The following RYR3 variants were observed in gnomAD, a reference collection of about 807,000 sequenced individuals.
RYR3 encodes the protein brain ryanodine receptor-calcium release channel.
A neutral mutation model predicts 584.3 loss-of-function variants in RYR3; 207 were observed. The ratio of observed to expected loss-of-function variants is 0.35; its 90% CI spans 0.32 to 0.40. RYR3 has a LOEUF of 0.40. RYR3 is among the 10% of genes least tolerant of loss of function. The probability of loss-of-function intolerance (pLI) is 1.00; values close to 1 mark genes in which losing one functional copy is unlikely to be tolerated. For synonymous variants in RYR3, 2,416 were observed against 2,248.5 expected (o/e 1.07, Z -2.11); for missense variants, 5,616 against 6,089.2 (o/e 0.92, Z 2.59).
chr15:33,699,018 A>C (rs919869366), intron 40 of RYR3, among the ~76,000 whole-genome samples: 6 of 152,222 alleles, frequency 3.9e-5, no homozygotes, highest in Non-Finnish European at 7.3e-5. Context: ...GTAAGATGGC[A>C]TCTTCATGCT....
chr15:33,811,013 G>T lies in RYR3; in HGVS notation c.10233G>T (p.Arg3411=), dbSNP rs1362857721. Residue 3411 remains arginine (R), a synonymous_variant, in exon 72 of 104, where the codon CGG becomes CGT. Coordinates refer to ENST00000634891, the MANE Select transcript of RYR3 (RefSeq NM_001036.6). ...DTDEEVREHL[R]NNLHLQEKSD... ...ATGAAGAGGTCAGAGAACATCTGCGGAACAACTTGCACTTGCAGGAAAAGG... is the reference window on the plus strand; with the variant it reads ...ATGAAGAGGTCAGAGAACATCTGCGTAACAACTTGCACTTGCAGGAAAAGG... The T allele has an allele frequency of 5.6e-6, 9 of 1,609,190 alleles. No individual in the cohort carries two copies. The highest frequency in any genetic ancestry group is 1.3e-5 in the African/African-American group (1 of 74,826).
intron 1 of RYR3, among the ~76,000 whole-genome samples, chr15:33,465,246 G>GATAT (rs35333422): frequency 1.3e-5 from 2 of 151,874 alleles, no homozygotes; most frequent in East Asian, 1.9e-4. Flanking sequence ...TTTCTTTGGA[G>GATAT]ATATATATAT....
intron 22 of RYR3, among the ~76,000 whole-genome samples, chr15:33,630,994 T>G (rs2061236131): frequency 6.6e-6 from 1 of 152,226 alleles, no homozygotes; most frequent in South Asian, 2.1e-4. Flanking sequence ...TGCCTATGGC[T>G]GGCTTTGCTC....
chr15:33,660,206 C>T lies in RYR3; in HGVS notation c.4405C>T (p.Pro1469Ser), dbSNP rs769909365. The T allele has an allele frequency of 3.2e-6, 5 of 1,551,510 alleles. No homozygotes were observed. In the South Asian group the frequency reaches 3.6e-5, roughly 11 times the overall value. ...FELGKLKNAM[P>S]LSAAIFRSEE... ...TTCCCACGTGCCCCAGAACGCAATG[C>T]CCCTGTCAGCGGCCATATTCAGGAG... The change falls in exon 34 of 104, where the codon CCC becomes TCC. Residue 1469 changes from proline to serine, a missense_variant. Pro to Ser is a moderately conservative substitution (Grantham distance 74). Around this residue, in one of 9 missense-constraint regions of RYR3, gnomAD observed 753 missense variants for 741.0 expected, o/e 1.02. Coordinates refer to ENST00000634891, the MANE Select transcript of RYR3 (RefSeq NM_001036.6).
At position 33,311,725 on chromosome 15, in the gene RYR3, G is replaced by C. The variant is rs1351150909; in HGVS notation, c.51+629G>C. Among the ~76,000 whole-genome samples the C allele has an allele frequency of 1.3e-5, 2 of 152,238 alleles. No homozygotes were observed. Among genetic ancestry groups the C allele is most frequent in the Non-Finnish European group, 2.9e-5 (2 of 68,038 alleles). On this transcript the variant is annotated intron_variant, in intron 1 of 103. Transcript: ENST00000634891. This position sits in a 1 kb window ranked among gnomAD's most constrained non-coding sequence, Gnocchi z 4.4. ...CCTGACTTGACTGACTGCCTGTCGT[G>C]TGTTCGAGAGCTGTGGCTTCTGCTC...
rs147047833 is a variant in RYR3 at position 33,421,563 on chromosome 15, T to C, written c.52-51856T>C. 7.4e-4 allele frequency among the ~76,000 whole-genome samples: 112 copies of C among 152,118 alleles called. 2 individuals are homozygous for C. The East Asian group carries it at 0.013, about 18-fold the overall frequency. ...CTGGTTCCCAAACAAAGGTAGATGG[T>C]GTGAAATAAGGAATGCTGGCAGAGG... On this transcript the variant is annotated intron_variant, in intron 1 of 103. Coordinates refer to ENST00000634891, the MANE Select transcript of RYR3 (RefSeq NM_001036.6).
chr15:33,774,699 T>C (rs1471093210), intron 64 of RYR3, among the ~76,000 whole-genome samples: 2 of 152,226 alleles, frequency 1.3e-5, no homozygotes, highest in Non-Finnish European at 2.9e-5. Context: ...TTTGTTTTTA[T>C]TATGATTTTA....
At chr15:33,593,460 C>T (rs1410037561) in intron 16 of RYR3, among the ~76,000 whole-genome samples, 1 of 152,048 alleles carries the variant, frequency 6.6e-6, no homozygotes, top group African/African-American at 2.4e-5. Context: ...AAACAATGAA[C>T]AAAAGAACAA....
At chr15:33,534,610 A>G (rs957185118) in intron 5 of RYR3, among the ~76,000 whole-genome samples, 4 of 152,220 alleles carry the variant, frequency 2.6e-5, no homozygotes, top group African/African-American at 9.7e-5. Context: ...CTGGAAACCA[A>G]AAATAAAGAA....
intron 29 of RYR3, among the ~76,000 whole-genome samples, 188 bp downstream of exon 29, chr15:33,646,714 A>G (rs2062123850): frequency 6.6e-6 from 1 of 152,254 alleles, no homozygotes. Flanking sequence ...GTGTTTGTGC[A>G]GTGCATAATT....
intron 102 of RYR3, among the ~76,000 whole-genome samples, chr15:33,863,203 C>T (rs550909216): frequency 7.9e-5 from 12 of 152,232 alleles, no homozygotes; most frequent in Admixed American, 5.9e-4. Flanking sequence ...GAGCCTCCCA[C>T]CTAAAATGGT....
intron 1 of RYR3, among the ~76,000 whole-genome samples, chr15:33,317,840 T>A (rs1968411826): frequency 6.6e-6 from 1 of 152,102 alleles, no homozygotes; most frequent in African/African-American, 2.4e-5. Context: ...TCCTTTGAGG[T>A]GGGACATAGC....
Position 33,748,141 on chromosome 15 carries a change from C to T in RYR3, c.8017C>T (p.Arg2673Ter). Residue 2673 changes from arginine to a stop codon, truncating the protein, a stop_gained, in exon 54 of 104, where the codon CGA (arginine) becomes TGA (stop). Transcript: ENST00000634891. LOFTEE classifies it high-confidence loss of function. ...KEKEIYRWPARESLKTMLAVG... is the reference protein window; with the variant it reads ...KEKEIYRWPA ...GAAGGAAATTTATCGCTGGCCTGCG[C>T]GAGAGTCCCTGAAAACCATGCTGGC... 2.5e-6 allele frequency: 4 copies of T among 1,613,812 alleles called. No homozygotes were observed. Among genetic ancestry groups the T allele is most frequent in the East Asian group, 2.2e-5 (1 of 44,878 alleles).
At chr15:33,439,739 G>T in intron 1 of RYR3, among the ~76,000 whole-genome samples, 1 of 152,008 alleles carries the variant, frequency 6.6e-6, no homozygotes, top group East Asian at 1.9e-4. Flanking sequence ...GATGCCATGG[G>T]GTTATTAAGA....
rs1239406214 is a variant in RYR3 at position 33,863,464 on chromosome 15, ACTT to A, written c.14466-672_14466-670del. 2.6e-5 allele frequency among the ~76,000 whole-genome samples: 4 copies of A among 152,162 alleles called. No individual in the cohort carries two copies. The East Asian group carries it at 7.7e-4, about 29-fold the overall frequency. On this transcript the variant is annotated intron_variant, in intron 102 of 103. Transcript: ENST00000634891. ...TAATTTCTACTTTCTCATATCACCA[ACTT>A]CACAATCCTTTTCCGGAAGGGCAAG...
chr15:33,596,268 A>G (rs1234441802), intron 16 of RYR3, among the ~76,000 whole-genome samples: 2 of 151,984 alleles, frequency 1.3e-5, no homozygotes, highest in African/African-American at 2.4e-5. Flanking sequence ...AAATACCCAA[A>G]TAGTGAAATA....
chr15:33,591,772 A>G (rs2059141592), intron 16 of RYR3, among the ~76,000 whole-genome samples: 1 of 152,200 alleles, frequency 6.6e-6, no homozygotes, highest in Admixed American at 6.6e-5. Context: ...AAATAGTAAT[A>G]TCATTGATTC....
intron 73 of RYR3, among the ~76,000 whole-genome samples, chr15:33,813,253 C>A (rs1196455794): frequency 6.6e-6 from 1 of 152,332 alleles, no homozygotes; most frequent in East Asian, 1.9e-4. Context: ...GTTAGTTAAG[C>A]TGCTATTAGG....
Position 33,341,975 on chromosome 15 carries a change from C to T in RYR3, c.51+30879C>T, listed in dbSNP as rs139674742. Among the ~76,000 whole-genome samples the T allele has an allele frequency of 8.1e-3, 1,226 of 152,264 alleles. 10 individuals are homozygous for T. Among genetic ancestry groups the T allele is most frequent in the Non-Finnish European group, 0.011 (776 of 68,016 alleles). On this transcript the variant is annotated intron_variant, in intron 1 of 103. Transcript: ENST00000634891. The stretch of plus-strand genomic sequence containing the variant: ...CCACAAAGCAAATTAGTGTCAGGAC[C>T]TGAACTGGAATTTAGGGTTAGTGAT...
Sources: allele counts gnomAD v4.1 joint callset (sites outside exome capture counted in the v4.1 genomes callset), GRCh38; gene constraint gnomAD v4.1.1; regional missense constraint gnomAD v4.1.1; non-coding constraint Gnocchi (gnomAD v3.1); transcripts MANE v1.5; gene names NCBI Gene and HGNC (gene_info 2026-07-23, HGNC 2026-07-21).